Variants in C1GALT1 observed in about 807,000 individuals in gnomAD.
C1GALT1 encodes core 1 synthase, glycoprotein-N-acetylgalactosamine 3-beta-galactosyltransferase 1, also known as glycoprotein-N-acetylgalactosamine 3-beta-galactosyltransferase 1.
Under a neutral mutation model 31.0 loss-of-function variants are expected in C1GALT1, and 11 were observed. The observed-to-expected ratio is 0.36, with a 90% CI of 0.22 to 0.59. The LOEUF (loss-of-function observed/expected upper bound fraction) is 0.59. Ranked by LOEUF, C1GALT1 falls within the 20% of genes least tolerant of loss-of-function variation. The probability of loss-of-function intolerance (pLI) is 0.79; values close to 1 mark genes in which losing one functional copy is unlikely to be tolerated. For synonymous variants in C1GALT1, 175 were observed against 143.6 expected, an observed-to-expected ratio of 1.22 and a Z score of -1.56; for missense variants, 424 against 425.2, an observed-to-expected ratio of 1.00 and a Z score of 0.03.
chr7:7,244,775 ATTAG>A lies in C1GALT1; in HGVS notation c.*1052_*1055del, dbSNP rs528715514. On this transcript the variant is annotated 3_prime_UTR_variant, in exon 4 of 4. Transcript: ENST00000436587. The stretch of plus-strand genomic sequence containing the variant: ...TTAGTTTATAGGATCTGAGGTGGCT[ATTAG>A]TTACAGTGGCAAGATTATTTAGAAA... The A allele has an allele frequency of 7.9e-4, 121 of 152,332 alleles. No homozygotes were observed. Among genetic ancestry groups the A allele is most frequent in the African/African-American group, 2.9e-3 (120 of 41,574 alleles). The allele number at this position is 152,332 out of a possible 1,614,324, so 9.4% of individuals were successfully genotyped here. A position where few individuals can be genotyped will look rare whatever the true frequency, so the allele number is the denominator to read the frequency against.
chr7:7,205,130 T>C (rs983052961), intron 1 of C1GALT1, among the ~76,000 whole-genome samples: 16 of 152,144 alleles, frequency 1.1e-4, no homozygotes, highest in South Asian at 2.1e-4. Context: ...CCAACTGTTA[T>C]CATAGAACTA....
upstream of C1GALT1, among the ~76,000 whole-genome samples, chr7:7,182,200 A>G (rs902464583): frequency 1.3e-5 from 2 of 152,190 alleles, no homozygotes; most frequent in African/African-American, 2.4e-5. Flanking sequence ...ACAGGCCACA[A>G]GAGTCCTGCA....
chr7:7,246,079 A>G lies in C1GALT1; in HGVS notation c.*2352A>G, dbSNP rs1783831735. ...AATGAAAAATTTGCTTTGACCAGAT[A>G]CTGAAGGAAATAAGTAATAGCTAGT... is the stretch of plus-strand genomic sequence containing the variant. On this transcript the variant is annotated 3_prime_UTR_variant, in exon 4 of 4. Coordinates refer to ENST00000436587, the MANE Select transcript of C1GALT1 (RefSeq NM_020156.5). The G allele has an allele frequency of 6.6e-6, 1 of 152,220 alleles. No homozygotes were observed. Among genetic ancestry groups the G allele is most frequent in the Admixed American group, 6.5e-5 (1 of 15,288 alleles). 9.4% of individuals were successfully genotyped at this position (152,220 alleles called of 1,614,324 possible).
At chr7:7,207,790 GTT>G (rs201676323) in intron 1 of C1GALT1, among the ~76,000 whole-genome samples, 1 of 132,114 alleles carries the variant, frequency 7.6e-6, no homozygotes, top group East Asian at 2.0e-4. Flanking sequence ...TTTTTTCTTT[GTT>G]TTTTTTTTTT....
chr7:7,161,563 A>T (rs1780334139), intron 2 of C1GALT1, among the ~76,000 whole-genome samples: 1 of 152,132 alleles, frequency 6.6e-6, no homozygotes, highest in Non-Finnish European at 1.5e-5. Context: ...ACTACATGTT[A>T]GACCCTTTGC....
chr7:7,220,941 C>T (rs918104785), intron 1 of C1GALT1, among the ~76,000 whole-genome samples: 15 of 152,174 alleles, frequency 9.9e-5, no homozygotes, highest in Non-Finnish European at 2.1e-4. Context: ...TTGTGCAAGT[C>T]CAGAACCACT....
intron 2 of C1GALT1, among the ~76,000 whole-genome samples, chr7:7,176,548 G>A (rs1203688109): frequency 6.6e-6 from 1 of 152,196 alleles, no homozygotes; most frequent in Non-Finnish European, 1.5e-5. Context: ...AGCCTCGTAA[G>A]CTGAGAATAT....
At chr7:7,179,568 A>G (rs1780546257), upstream of C1GALT1, among the ~76,000 whole-genome samples, 1 of 152,224 alleles carries the variant, frequency 6.6e-6, no homozygotes, top group South Asian at 2.1e-4. Flanking sequence ...AAAATTCTAT[A>G]TATAGTGCTA....
intron 2 of C1GALT1, among the ~76,000 whole-genome samples, chr7:7,237,021 A>T (rs1458953479): frequency 1.3e-5 from 2 of 152,160 alleles, no homozygotes; most frequent in African/African-American, 4.8e-5. Flanking sequence ...CAGTTCATAG[A>T]CTCATTCTGG....
intron 2 of C1GALT1, among the ~76,000 whole-genome samples, chr7:7,168,759 T>C (rs1420126526): frequency 6.6e-6 from 1 of 152,240 alleles, no homozygotes; most frequent in African/African-American, 2.4e-5. Context: ...TTAAAGTCTC[T>C]AAAAAAGGAA....
At chr7:7,162,329 T>C (rs1279565544) in intron 2 of C1GALT1, among the ~76,000 whole-genome samples, 1 of 140,988 alleles carries the variant, frequency 7.1e-6, no homozygotes, top group African/African-American at 2.6e-5. Flanking sequence ...TGTGTTCTCA[T>C]TGTTCAATTC....
chr7:7,173,125 C>T (rs1052758462), intron 2 of C1GALT1, among the ~76,000 whole-genome samples: 2 of 152,028 alleles, frequency 1.3e-5, no homozygotes, highest in African/African-American at 2.4e-5. Context: ...GGAGGTGGGA[C>T]CTGGTGGGAG....
chr7:7,241,837 T>C (rs1327246426), intron 3 of C1GALT1, among the ~76,000 whole-genome samples: 2 of 151,996 alleles, frequency 1.3e-5, no homozygotes, highest in Non-Finnish European at 2.9e-5. Flanking sequence ...CTTTTTACTT[T>C]TATTGTCTTT....
At chr7:7,164,335 G>A (rs547439038) in intron 2 of C1GALT1, among the ~76,000 whole-genome samples, 7 of 152,190 alleles carry the variant, frequency 4.6e-5, no homozygotes, top group East Asian at 1.9e-4. Flanking sequence ...TAATGTTAAC[G>A]GGTCTATGAT....
At chr7:7,224,021 G>C (rs78885927) in intron 1 of C1GALT1, among the ~76,000 whole-genome samples, 1 of 152,008 alleles carries the variant, frequency 6.6e-6, no homozygotes. Flanking sequence ...TCATTTGTGT[G>C]AATTTTCCTT....
chr7:7,213,889 C>T (rs2108791), intron 1 of C1GALT1, among the ~76,000 whole-genome samples: 30,660 of 152,034 alleles, frequency 0.2, 3,754 homozygotes, highest in East Asian at 0.36. Context: ...ATATAAATAT[C>T]ATGGGAGAAG....
intron 2 of C1GALT1, among the ~76,000 whole-genome samples, chr7:7,174,826 A>G (rs1780487947): frequency 6.6e-6 from 1 of 151,896 alleles, no homozygotes; most frequent in African/African-American, 2.4e-5. Context: ...TGATATTCTC[A>G]TCTTGTTCAT....
chr7:7,217,047 A>T (rs1004166022), intron 1 of C1GALT1, among the ~76,000 whole-genome samples: 1 of 152,184 alleles, frequency 6.6e-6, no homozygotes, highest in African/African-American at 2.4e-5. Context: ...TAGATGGAAG[A>T]GAGTATTGAG....
intron 1 of C1GALT1, among the ~76,000 whole-genome samples, chr7:7,185,873 C>T (rs1028020035): frequency 5.9e-5 from 9 of 152,214 alleles, no homozygotes; most frequent in African/African-American, 2.2e-4. Flanking sequence ...TAGACTGAAT[C>T]AGAGGCTATA....
Sources: gnomAD v4.1 joint callset for allele counts (sites outside exome capture counted in the v4.1 genomes callset) on GRCh38, gnomAD v4.1.1 for gene constraint, MANE v1.5 for transcripts, NCBI Gene and HGNC (gene_info 2026-07-23, HGNC 2026-07-21) for gene names.